Variants in DSC3 observed in about 807,000 individuals in gnomAD.
The protein encoded by DSC3 is desmocollin-3.
In DSC3, 97 loss-of-function variants were observed where a neutral mutation model predicts 89.5. The ratio of observed to expected loss-of-function variants is 1.08; its 90% CI spans 0.92 to 1.28. DSC3 has a LOEUF of 1.28. Among genes scored for constraint, DSC3 ranks in the 50% most tolerant of loss-of-function variants. DSC3 has a pLI of 0.00. For missense variants in DSC3, 1,199 were observed against 1,085.3 expected, an observed-to-expected ratio of 1.10 and a Z score of -1.47; for synonymous variants, 436 against 384.1, an observed-to-expected ratio of 1.14 and a Z score of -1.58.
At chr18:31,001,466 T>C (rs1984656137) in intron 14 of DSC3, 152 bp downstream of exon 14, 1 of 870,018 alleles carries the variant, frequency 1.1e-6, no homozygotes, top group Admixed American at 2.8e-5. Context: ...ATTACCACTA[T>C]ATAAACATAT....
intron 14 of DSC3, 43 bp downstream of exon 14, chr18:31,001,575 A>G (rs1403770465): frequency 6.3e-7 from 1 of 1,597,754 alleles, no homozygotes; most frequent in East Asian, 2.2e-5. Context: ...GATGAATTAA[A>G]TTATCGGAGA....
rs575452650 is a variant in DSC3, at chr18:31,042,613, C to T, written c.48G>A (p.Leu16=). ...PRRSVRGAVC[L]HLLLTLVIFS... ...TTACCACGAGGGTCAGCAGCAGATG[C>T]AGGCAGACGGCTCCGCGCACGGAGC... Residue 16 remains leucine, a synonymous_variant, in exon 1 of 16, where the codon CTG becomes CTA. Coordinates refer to ENST00000360428, the MANE Select transcript of DSC3 (RefSeq NM_001941.5). 1.3e-6 allele frequency: 2 copies of T among 1,550,538 alleles called. No individual in the cohort carries two copies. The highest frequency in any genetic ancestry group is 2.7e-5 in the African/African-American group (2 of 73,170).
At position 30,989,971 on chromosome 18, in the gene DSC3, C is replaced by T. The variant is rs1428414870; in HGVS notation, c.*4204G>A. ...AATGTTCATTGTGAAAAAATCAACA[C>T]AGAAAGAATAAATTATCAATTCCAT... On this transcript the variant is annotated 3_prime_UTR_variant, in exon 16 of 16. Transcript: ENST00000360428. 1 of 152,202 alleles carries T rather than the reference C, an allele frequency of 6.6e-6. No homozygotes were observed. Among genetic ancestry groups the T allele is most frequent in the Non-Finnish European group, 1.5e-5 (1 of 68,022 alleles). 9.4% of individuals were successfully genotyped at this position (152,202 alleles called of 1,614,324 possible). A position where few individuals can be genotyped will look rare whatever the true frequency, so the allele number is the denominator to read the frequency against.
Position 31,006,953 on chromosome 18 carries a change from A to C in DSC3, c.1842T>G (p.Asn614Lys). Residue 614 changes from asparagine (N) to lysine (K), a missense_variant, in exon 12 of 16, where the codon AAT becomes AAG. Coordinates refer to ENST00000360428, the MANE Select transcript of DSC3 (RefSeq NM_001941.5). ...HGAPFYFSLP[N>K]TSPEISRLWS... ...ACAGTCTACTGATTTCTGGAGAAGT[A>C]TTGGGCAAACTGAAATAAAATGGAG... is the stretch of plus-strand genomic sequence containing the variant. 1 of 1,613,952 alleles carries C rather than the reference A, an allele frequency of 6.2e-7. No individual in the cohort carries two copies. The highest frequency in any genetic ancestry group is 8.5e-7 in the Non-Finnish European group (1 of 1,179,924).
At chr18:31,006,851 T>A (rs1984859638) in intron 12 of DSC3, 56 bp downstream of exon 12, 6 of 1,357,972 alleles carry the variant, frequency 4.4e-6, no homozygotes, top group Non-Finnish European at 6.2e-6. Context: ...AGTCAATCTA[T>A]CCTCCAGTTA....
chr18:31,038,841 T>C (rs1454866062), intron 1 of DSC3, among the ~76,000 whole-genome samples: 1 of 152,072 alleles, frequency 6.6e-6, no homozygotes, highest in African/African-American at 2.4e-5. Context: ...TTTTCTTTGC[T>C]GCATAGGATA....
At chr18:30,999,386 G>T (rs1392546060) in intron 14 of DSC3, among the ~76,000 whole-genome samples, 1 of 151,800 alleles carries the variant, frequency 6.6e-6, no homozygotes, top group Non-Finnish European at 1.5e-5. Context: ...CCATTTGGTG[G>T]CAGTGCTACC....
At chr18:31,024,779 A>C (rs1237654072) in intron 5 of DSC3, among the ~76,000 whole-genome samples, 3 of 152,130 alleles carry the variant, frequency 2.0e-5, no homozygotes, top group African/African-American at 7.2e-5. Flanking sequence ...TGTGAATATA[A>C]ATTCTCTCTA....
At chr18:31,032,604 G>T (rs1276977443) in intron 1 of DSC3, among the ~76,000 whole-genome samples, 1 of 146,184 alleles carries the variant, frequency 6.8e-6, no homozygotes, top group Non-Finnish European at 1.5e-5. Flanking sequence ...GTGCGTGTGC[G>T]TGTGCGTGTG....
In DSC3 at chr18:31,004,219, G is replaced by T. The variant is rs181961800; in HGVS notation, c.2036C>A (p.Ala679Glu). Reference sequence around the variant, plus strand: ...TATTACTCCTGTACTCCTTGAAGTCGCACGACACTGAGTTGGATGAGTACA... The same window carrying T: ...TATTACTCCTGTACTCCTTGAAGTCTCACGACACTGAGTTGGATGAGTACA... Reference protein sequence around the residue: ...CECTHPTQCRATSRSTGVILG... With the variant: ...CECTHPTQCRETSRSTGVILG... The change falls in exon 13 of 16, where the codon GCG (alanine) becomes GAG (glutamate). Residue 679 changes from alanine to glutamate, a missense_variant. Transcript: ENST00000360428. 8 of 1,613,770 alleles carry T rather than the reference G, an allele frequency of 5.0e-6. No homozygotes were observed. The highest frequency in any genetic ancestry group is 6.8e-6 in the Non-Finnish European group (8 of 1,179,908).
chr18:31,007,157 T>C (rs1371144037), intron 11 of DSC3, 26 bp from the exon 12 acceptor site: 4 of 1,555,686 alleles, frequency 2.6e-6, no homozygotes, highest in Non-Finnish European at 2.7e-6. Flanking sequence ...TAAGGTTTAG[T>C]GTTATTTTAA....
At chr18:31,023,808 TTAGAA>T (rs1985503768) in intron 6 of DSC3, among the ~76,000 whole-genome samples, 1 of 152,096 alleles carries the variant, frequency 6.6e-6, no homozygotes, top group South Asian at 2.1e-4. Context: ...GAGCAAGTGT[TTAGAA>T]TAGAGAACAT....
chr18:31,022,329 G>C lies in DSC3; in HGVS notation c.942+7C>G, dbSNP rs780693568. 1.2e-6 allele frequency: 2 copies of C among 1,613,966 alleles called. No homozygotes were observed. Among genetic ancestry groups the C allele is most frequent in the South Asian group, 2.2e-5 (2 of 91,080 alleles). ...CGAAATGAAATTCTATGGAGTGTGT[G>C]AGCTACCTCTCTGTCCAAATAATGA... is the stretch of plus-strand genomic sequence containing the variant. On this transcript the variant is annotated splice_region_variant and intron_variant, in intron 7 of 15. Coordinates refer to ENST00000360428, the MANE Select transcript of DSC3 (RefSeq NM_001941.5).
chr18:30,996,004 A>AAAG lies in DSC3; in HGVS notation c.2493+786_2493+787insCTT, dbSNP rs1380162048. Among the ~76,000 whole-genome samples the AAAG allele has an allele frequency of 3.3e-3, 473 of 143,660 alleles. 18 individuals are homozygous for AAAG. The highest frequency in any genetic ancestry group is 0.013 in the African/African-American group (459 of 35,416). The allele number at this position is 143,660 out of a possible 152,430, so 94.2% of individuals were successfully genotyped here. A position where few individuals can be genotyped will look rare whatever the true frequency, so the allele number is the denominator to read the frequency against. On this transcript the variant is annotated intron_variant, in intron 15 of 15. Coordinates refer to ENST00000360428, the MANE Select transcript of DSC3 (RefSeq NM_001941.5). Reference sequence around the variant, plus strand: ...AAAAAAAAAAAAAAAAAAAAAGAAAAGAAAGAAAAAAGCTTCTGCTTCATA... The same window carrying AAAG: ...AAAAAAAAAAAAAAAAAAAAAGAAAAAAGGAAAGAAAAAAGCTTCTGCTTCATA...
Position 30,992,672 on chromosome 18 carries a change from C to T in DSC3, c.*1503G>A, listed in dbSNP as rs113769668. Reference sequence around the variant, plus strand: ...AAATAACCTACTTGGGCTGCTTTCTCCCAAAGTTCCCTCTGTTCTAAAATG... The same window carrying T: ...AAATAACCTACTTGGGCTGCTTTCTTCCAAAGTTCCCTCTGTTCTAAAATG... On this transcript the variant is annotated 3_prime_UTR_variant, in exon 16 of 16. Transcript: ENST00000360428. 4,752 of 152,372 alleles carry T rather than the reference C, an allele frequency of 0.031. 114 individuals carry two copies. Among genetic ancestry groups the T allele is most frequent in the Middle Eastern group, 0.065 (19 of 294 alleles). 9.4% of individuals were successfully genotyped at this position (152,372 alleles called of 1,614,324 possible). A position where few individuals can be genotyped will look rare whatever the true frequency, so the allele number is the denominator to read the frequency against.
At position 31,008,289 on chromosome 18, in the gene DSC3, AT is replaced by A; in HGVS notation, c.1499del (p.Asn500IlefsTer7). ...TTTACCTTAAACCATTGCCATTTCTATTTTCGGGGTCATATGCCTTATAGCC... is the reference window on the plus strand; with the variant it reads ...TTTACCTTAAACCATTGCCATTTCTATTTCGGGGTCATATGCCTTATAGCC... ...INGYKAYDPE[N>X]RNGNGLRYKK... On this transcript the variant is annotated frameshift_variant, in exon 10 of 16. Transcript: ENST00000360428. LOFTEE classifies it high-confidence loss of function. 1 of 1,614,006 alleles carries A rather than the reference AT, an allele frequency of 6.2e-7. No individual in the cohort carries two copies. The highest frequency in any genetic ancestry group is 8.5e-7 in the Non-Finnish European group (1 of 1,179,990).
Position 31,030,913 on chromosome 18 carries a change from T to A in DSC3, c.354+60A>T, listed in dbSNP as rs1985763410. 6.1e-6 allele frequency: 9 copies of A among 1,478,132 alleles called. No homozygotes were observed. In the East Asian group the frequency reaches 2.1e-4, roughly 35 times the overall value. 91.6% of individuals were successfully genotyped at this position (1,478,132 alleles called of 1,614,324 possible). ...TATTTATCCTTGTTTCTCTTTGCAA[T>A]TTTTAATAAGAGTATTTTAATGAAA... On this transcript the variant is annotated intron_variant, in intron 3 of 15. Transcript: ENST00000360428.
chr18:31,012,951 C>T (rs1201633945), intron 9 of DSC3, among the ~76,000 whole-genome samples: 1 of 151,874 alleles, frequency 6.6e-6, no homozygotes, highest in Admixed American at 6.6e-5. Context: ...GTAAAAACAT[C>T]AAAAGAGATA....
chr18:31,005,780 G>T (rs570193757), intron 12 of DSC3, among the ~76,000 whole-genome samples: 1 of 152,130 alleles, frequency 6.6e-6, no homozygotes, highest in African/African-American at 2.4e-5. Context: ...AATACAACAG[G>T]AAAGGCACTG....
Sources: gnomAD v4.1 joint callset for allele counts (sites outside exome capture counted in the v4.1 genomes callset) on GRCh38, gnomAD v4.1.1 for gene constraint, MANE v1.5 for transcripts, NCBI Gene and HGNC (gene_info 2026-07-23, HGNC 2026-07-21) for gene names.